Variants in ADCY8 observed in about 807,000 individuals in gnomAD.
The protein encoded by ADCY8 is adenylate cyclase type 8.
A neutral mutation model predicts 119.7 loss-of-function variants in ADCY8; 51 were observed. That is an observed-to-expected ratio of 0.43 (90% confidence interval 0.34 to 0.54). The LOEUF is 0.54. Ranked by LOEUF, ADCY8 falls within the 20% of genes least tolerant of loss-of-function variation. The pLI is 0.03. For missense variants in ADCY8, 1,383 were observed against 1,598.8 expected (o/e 0.87, Z 2.30); for synonymous variants, 665 against 651.0 (o/e 1.02, Z -0.33).
intron 1 of ADCY8, among the ~76,000 whole-genome samples, chr8:131,019,385 A>G (rs182812845): frequency 4.3e-4 from 65 of 152,348 alleles, no homozygotes; most frequent in Middle Eastern, 3.4e-3. Context: ...ATTCTGGCAC[A>G]GTGATTTTGT....
chr8:130,877,953 C>T (rs1170775109), intron 8 of ADCY8, among the ~76,000 whole-genome samples: 1 of 152,130 alleles, frequency 6.6e-6, no homozygotes, highest in Non-Finnish European at 1.5e-5. Context: ...TGAGATTTAT[C>T]TTAAAGAGGG....
chr8:130,949,916 T>G (rs1385823967), intron 3 of ADCY8, among the ~76,000 whole-genome samples: 3 of 152,204 alleles, frequency 2.0e-5, no homozygotes, highest in East Asian at 1.9e-4. Context: ...AAGGGCTGTT[T>G]TGCAAACTCA....
In ADCY8 at chr8:130,785,459, C is replaced by T. The variant is rs764132947; in HGVS notation, c.3077G>A (p.Arg1026Gln). The change falls in exon 16 of 18, where the codon CGA becomes CAA. Residue 1026 changes from arginine (R) to glutamine (Q), a missense_variant. By Grantham distance (43) the Arg-to-Gln change is conservative. Around this residue, in one of 2 missense-constraint regions of ADCY8, gnomAD observed 928 missense variants for 1,163.5 expected, o/e 0.80. Transcript: ENST00000286355. ...ADFDELLGED[R>Q]FQDIEKIKTI... is the part of the protein sequence containing the mutation. ...CTTAATCTTTTCAATGTCTTGAAAT[C>T]GGTCTTCACCAAGCAACTGAAAGAG... 1.2e-5 allele frequency: 19 copies of T among 1,609,280 alleles called. No individual in the cohort carries two copies. Among genetic ancestry groups the T allele is most frequent in the Admixed American group, 1.7e-5 (1 of 59,528 alleles).
At chr8:130,980,978 C>T (rs1822221836) in intron 2 of ADCY8, among the ~76,000 whole-genome samples, 1 of 152,120 alleles carries the variant, frequency 6.6e-6, no homozygotes, top group Non-Finnish European at 1.5e-5. Context: ...TCAAGTCTAC[C>T]CCCCACGTCT....
At chr8:131,012,748 G>C (rs1406140130) in intron 1 of ADCY8, among the ~76,000 whole-genome samples, 1 of 152,198 alleles carries the variant, frequency 6.6e-6, no homozygotes, top group African/African-American at 2.4e-5. Context: ...ATGGAACTCA[G>C]AACATCCTGG....
chr8:130,925,129 C>A (rs772875413), intron 5 of ADCY8, among the ~76,000 whole-genome samples: 7 of 152,010 alleles, frequency 4.6e-5, no homozygotes, highest in Non-Finnish European at 7.4e-5. Context: ...TGCTTGAATC[C>A]GGGAGGTGGG....
chr8:130,962,902 G>A (rs772057863), intron 2 of ADCY8, among the ~76,000 whole-genome samples: 10 of 152,138 alleles, frequency 6.6e-5, no homozygotes, highest in Non-Finnish European at 1.2e-4. Context: ...ATATCTTATT[G>A]TTGTTGATCA....
intron 2 of ADCY8, among the ~76,000 whole-genome samples, chr8:130,957,007 T>C (rs1309400515): frequency 1.3e-5 from 2 of 152,104 alleles, no homozygotes; most frequent in Non-Finnish European, 2.9e-5. Context: ...ATACAATAAA[T>C]TGGTACCGGG....
chr8:130,960,053 A>G lies in ADCY8; in HGVS notation c.1111-8055T>C, dbSNP rs190008877. Among the ~76,000 whole-genome samples, 440 of 152,336 alleles carry G rather than the reference A, an allele frequency of 2.9e-3. 3 individuals are homozygous for G. Among genetic ancestry groups the G allele is most frequent in the South Asian group, 0.029 (139 of 4,830 alleles). On this transcript the variant is annotated intron_variant, in intron 2 of 17. Coordinates refer to ENST00000286355, the MANE Select transcript of ADCY8 (RefSeq NM_001115.3). The stretch of plus-strand genomic sequence containing the variant: ...ATAGAGGGAAGGAAGAATGAAAGGA[A>G]TTAAATGGTTAATGTAATCATCCAG...
At chr8:130,883,816 G>A (rs1818872352) in intron 8 of ADCY8, among the ~76,000 whole-genome samples, 1 of 152,124 alleles carries the variant, frequency 6.6e-6, no homozygotes, top group Non-Finnish European at 1.5e-5. Context: ...AAGCTGAGGT[G>A]GGGGAGGGGA....
At position 130,837,516 on chromosome 8, in the gene ADCY8, C is replaced by T. The variant is rs549641180; in HGVS notation, c.2503-1067G>A. Among the ~76,000 whole-genome samples, 31 of 152,306 alleles carry T rather than the reference C, an allele frequency of 2.0e-4. 3 individuals are homozygous for T. Among genetic ancestry groups the T allele is most frequent in the African/African-American group, 7.5e-4 (31 of 41,570 alleles). On this transcript the variant is annotated intron_variant, in intron 11 of 17. Transcript: ENST00000286355. ...ATAGACCAGCATAACACCTATCACC[C>T]TGTATTAGAAGTAACTGCTTAAATT...
chr8:130,782,070 A>C (rs1403655000), intron 17 of ADCY8, among the ~76,000 whole-genome samples: 1 of 152,226 alleles, frequency 6.6e-6, no homozygotes, highest in Non-Finnish European at 1.5e-5. Context: ...ATAATGGAGA[A>C]AGATGGAAGA....
chr8:130,982,885 C>G (rs538903310), intron 2 of ADCY8, among the ~76,000 whole-genome samples: 72 of 152,222 alleles, frequency 4.7e-4, no homozygotes, highest in African/African-American at 1.6e-3. Flanking sequence ...TGTACATGCA[C>G]AGCATGTCTC....
intron 11 of ADCY8, among the ~76,000 whole-genome samples, chr8:130,838,001 A>G (rs970901443): frequency 2.0e-5 from 3 of 152,222 alleles, no homozygotes; most frequent in African/African-American, 7.2e-5. Flanking sequence ...TGGTCTTGTT[A>G]TACATGGCTG....
intron 1 of ADCY8, among the ~76,000 whole-genome samples, chr8:131,002,380 G>A (rs950796788): frequency 2.0e-5 from 3 of 152,306 alleles, no homozygotes; most frequent in African/African-American, 7.2e-5. Context: ...CAGTTATCGC[G>A]AAGGTTAAAC....
At chr8:130,993,733 C>T (rs1448638509) in intron 1 of ADCY8, among the ~76,000 whole-genome samples, 1 of 152,140 alleles carries the variant, frequency 6.6e-6, no homozygotes, top group Non-Finnish European at 1.5e-5. Context: ...GTGAGGCCTC[C>T]CCAGCCACGT....
At chr8:130,906,261 C>T (rs1201869015) in intron 6 of ADCY8, among the ~76,000 whole-genome samples, 1 of 152,230 alleles carries the variant, frequency 6.6e-6, no homozygotes, top group African/African-American at 2.4e-5. Context: ...TCCGCTTTCT[C>T]AGATGAATCT....
At chr8:130,859,799 T>C (rs1450075804) in intron 9 of ADCY8, among the ~76,000 whole-genome samples, 1 of 152,198 alleles carries the variant, frequency 6.6e-6, no homozygotes, top group Non-Finnish European at 1.5e-5. Context: ...TCTCTTTTAT[T>C]CTCCTTTCCC....
At chr8:130,911,060 T>C (rs973704223) in intron 5 of ADCY8, among the ~76,000 whole-genome samples, 4 of 152,200 alleles carry the variant, frequency 2.6e-5, no homozygotes, top group South Asian at 2.1e-4. Context: ...CTGATATTTT[T>C]GTGATAATAA....
Sources: gnomAD v4.1 joint callset for allele counts (sites outside exome capture counted in the v4.1 genomes callset) on GRCh38, gnomAD v4.1.1 for gene constraint, gnomAD v4.1.1 regional missense constraint, MANE v1.5 for transcripts, NCBI Gene and HGNC (gene_info 2026-07-23, HGNC 2026-07-21) for gene names.